Variants in ZNF177 observed in about 807,000 individuals in gnomAD.
ZNF177 encodes the protein zinc finger protein 177.
A neutral mutation model predicts 19.4 loss-of-function variants in ZNF177; 17 were observed. The ratio of observed to expected loss-of-function variants is 0.87; its 90% CI spans 0.60 to 1.31. The LOEUF (loss-of-function observed/expected upper bound fraction) is 1.31. Among genes scored for constraint, ZNF177 ranks in the 40% most tolerant of loss-of-function variants. The pLI is 0.00. For missense variants in ZNF177, 633 were observed against 561.8 expected (o/e 1.13, Z -1.28); for synonymous variants, 220 against 188.7 (o/e 1.17, Z -1.36).
intron 5 of ZNF177, 188 bp from the exon 8 acceptor site, chr19:9,380,480 G>C (rs142963026): frequency 1.4e-4 from 159 of 1,148,812 alleles, no homozygotes; most frequent in Non-Finnish European, 1.9e-4. Context: ...GCCTTGGACA[G>C]AGGAGTGAGC....
intron 1 of ZNF177, among the ~76,000 whole-genome samples, chr19:9,376,727 C>G (rs2068114092): frequency 6.6e-6 from 1 of 152,032 alleles, no homozygotes; most frequent in Admixed American, 6.5e-5. Context: ...TTACATCTTT[C>G]TATATTGTAT....
chr19:9,370,410 T>G (rs1298960542), intron 2 of ZNF177, among the ~76,000 whole-genome samples: 2 of 148,354 alleles, frequency 1.3e-5, no homozygotes, highest in African/African-American at 2.6e-5. Flanking sequence ...GTTGGTTTGT[T>G]TTTTTTTTGT....
upstream of ZNF177, among the ~76,000 whole-genome samples, chr19:9,375,402 G>A (rs949357757): frequency 2.0e-5 from 3 of 152,122 alleles, no homozygotes; most frequent in Non-Finnish European, 4.4e-5. Flanking sequence ...TTTTTTGGAA[G>A]AGTTTGAGAA....
At position 9,381,071 on chromosome 19, in the gene ZNF177, C is replaced by A. The variant is rs775975807; in HGVS notation, c.740C>A (p.Thr247Lys). ...AAAATATCTCCCCTTAGTGTCCACACAAAAACTGGTAGTGTGGAGGAGGGT... is the reference window on the plus strand; with the variant it reads ...AAAATATCTCCCCTTAGTGTCCACAAAAAAACTGGTAGTGTGGAGGAGGGT... Residue 247 changes from threonine (T) to lysine (K), a missense_variant, in exon 6 of 6, where the codon ACA becomes AAA. Thr to Lys is a moderately conservative substitution (Grantham distance 78). Transcript: ENST00000589262. 1 of 1,609,492 alleles carries A rather than the reference C, an allele frequency of 6.2e-7. No homozygotes were observed. Among genetic ancestry groups the A allele is most frequent in the African/African-American group, 1.3e-5 (1 of 75,032 alleles).
Sources: gnomAD v4.1 joint callset for allele counts (sites outside exome capture counted in the v4.1 genomes callset) on GRCh38, gnomAD v4.1.1 for gene constraint, MANE v1.5 for transcripts, NCBI Gene and HGNC (gene_info 2026-07-23, HGNC 2026-07-21) for gene names.